The following MYBPC2 variants were observed in gnomAD, a reference collection of about 807,000 sequenced individuals.
The protein encoded by MYBPC2 is myosin-binding protein C, fast-type.
Under a neutral mutation model 137.0 loss-of-function variants are expected in MYBPC2, and 122 were observed. The observed-to-expected ratio is 0.89, with a 90% CI of 0.77 to 1.03. MYBPC2 has a LOEUF of 1.03. Ranked by LOEUF, MYBPC2 falls within the 50% of genes least tolerant of loss-of-function variation. MYBPC2 has a pLI of 0.00. For synonymous variants in MYBPC2, 626 were observed against 612.3 expected, an observed-to-expected ratio of 1.02 and a Z score of -0.33; for missense variants, 1,500 against 1,534.4, an observed-to-expected ratio of 0.98 and a Z score of 0.37.
At chr19:50,438,323 T>C (rs992887449) in intron 7 of MYBPC2, among the ~76,000 whole-genome samples, 2 of 152,108 alleles carry the variant, frequency 1.3e-5, no homozygotes, top group Non-Finnish European at 2.9e-5. Context: ...GGTTGGGAGA[T>C]GCAGGTGCAG....
At chr19:50,436,505 C>A (rs572260058) in intron 4 of MYBPC2, 112 bp from the exon 5 acceptor site, 2 of 996,542 alleles carry the variant, frequency 2.0e-6, no homozygotes, top group Admixed American at 2.2e-5. Flanking sequence ...CATTGGCCCC[C>A]CTGTGGGGTG....
intron 1 of MYBPC2, among the ~76,000 whole-genome samples, chr19:50,433,474 GGCTCACTACAACATCCGCCTCCTGA>G (rs2039675685): frequency 6.6e-6 from 1 of 151,298 alleles, no homozygotes; most frequent in South Asian, 2.1e-4. Flanking sequence ...GTGCGATCTC[GGCTCACTACAACATCCGCCTCCTGA>G]GTTCAAACAA....
Position 50,461,559 on chromosome 19 carries a change from T to C in MYBPC2, c.2949T>C (p.Tyr983=), listed in dbSNP as rs940190927. Residue 983 remains tyrosine, a synonymous_variant, in exon 25 of 28, where the codon TAT becomes TAC. Transcript: ENST00000357701. The part of the protein sequence containing the change: ...DKKTMEWFNV[Y]ERNRHTSCTV... ...CACACTAGGAGTGGTTCAACGTCTA[T>C]GAACGTAACAGGCACACTAGCTGTA... is the stretch of plus-strand genomic sequence containing the variant. 2.5e-6 allele frequency: 4 copies of C among 1,613,704 alleles called. No homozygotes were observed. The highest frequency in any genetic ancestry group is 2.7e-5 in the African/African-American group (2 of 75,022).
chr19:50,458,198 T>C (rs1235108364), intron 20 of MYBPC2, among the ~76,000 whole-genome samples: 3 of 150,808 alleles, frequency 2.0e-5, no homozygotes, highest in Non-Finnish European at 2.9e-5. Context: ...TAGTCCCAGC[T>C]ACTCAGGAGG....
intron 12 of MYBPC2, among the ~76,000 whole-genome samples, chr19:50,447,766 A>G (rs930295028): frequency 3.9e-5 from 6 of 152,154 alleles, no homozygotes; most frequent in Non-Finnish European, 8.8e-5. Flanking sequence ...CTGAGGCAGG[A>G]GTATCACTTG....
chr19:50,438,919 G>A (rs899008640), intron 7 of MYBPC2, among the ~76,000 whole-genome samples: 1 of 151,974 alleles, frequency 6.6e-6, no homozygotes, highest in Non-Finnish European at 1.5e-5. Context: ...ATTATCTGCT[G>A]GCCCACTTAT....
In MYBPC2 at chr19:50,435,822, C is replaced by T. The variant is rs762258220; in HGVS notation, c.156C>T (p.Gly52=). 8.7e-6 allele frequency: 14 copies of T among 1,610,556 alleles called. No individual in the cohort carries two copies. Among genetic ancestry groups the T allele is most frequent in the African/African-American group, 5.3e-5 (4 of 74,984 alleles). Residue 52 remains glycine, a synonymous_variant, in exon 3 of 28, where the codon GGC becomes GGT. Coordinates refer to ENST00000357701, the MANE Select transcript of MYBPC2 (RefSeq NM_004533.4). The surrounding 1 kb of genome is among the most constrained non-coding windows in gnomAD (Gnocchi z 4.8). ...CCCCGACTGCAGAGGAGCCCACCGG[C>T]GTTTTCCTGAAGAAGCCGGACTCCG... The part of the protein sequence containing the change: ...DQSPTAEEPT[G]VFLKKPDSVS...
chr19:50,441,137 G>A, intron 8 of MYBPC2, 61 bp downstream of exon 8: 5 of 1,471,768 alleles, frequency 3.4e-6, no homozygotes, highest in Non-Finnish European at 4.5e-6. Context: ...CCTTGTGGGT[G>A]TCTAATGATT....
chr19:50,460,187 A>G lies in MYBPC2; in HGVS notation c.2931+8A>G. On this transcript the variant is annotated splice_region_variant and intron_variant, in intron 24 of 27. Coordinates refer to ENST00000357701, the MANE Select transcript of MYBPC2 (RefSeq NM_004533.4). ...GCAGACAAAAAAACCATGGTGAGAG[A>G]GCAGAGGGGGAGATGGGGAAGAGCC... The G allele has an allele frequency of 6.3e-7, 1 of 1,599,490 alleles. No homozygotes were observed. The highest frequency in any genetic ancestry group is 8.5e-7 in the Non-Finnish European group (1 of 1,172,786).
chr19:50,455,391 C>G, intron 19 of MYBPC2, 95 bp downstream of exon 19: 1 of 1,557,530 alleles, frequency 6.4e-7, no homozygotes, highest in South Asian at 1.2e-5. Context: ...TGCCCGCCAT[C>G]AATCTCTGAC....
At chr19:50,442,640 G>A (rs943440127) in intron 9 of MYBPC2, among the ~76,000 whole-genome samples, 5 of 151,764 alleles carry the variant, frequency 3.3e-5, no homozygotes, top group Admixed American at 6.6e-5. Flanking sequence ...CAGGAGGATC[G>A]CTTGAACCCA....
At position 50,432,931 on chromosome 19, in the gene MYBPC2, G is replaced by A; in HGVS notation, c.-23G>A. 1.2e-6 allele frequency: 2 copies of A among 1,605,454 alleles called. No homozygotes were observed. Among genetic ancestry groups the A allele is most frequent in the Non-Finnish European group, 1.7e-6 (2 of 1,177,560 alleles). On this transcript the variant is annotated 5_prime_UTR_variant, in exon 1 of 28. Transcript: ENST00000357701. The surrounding 1 kb of genome is among the most constrained non-coding windows in gnomAD (Gnocchi z 5.5). ...CTAGCGGGACGCGGCTGCGGTCAGAGGAGCAGGAGGAGGTCCCCCGACATG... is the reference window on the plus strand; with the variant it reads ...CTAGCGGGACGCGGCTGCGGTCAGAAGAGCAGGAGGAGGTCCCCCGACATG...
chr19:50,459,099 C>CCCAA lies in MYBPC2; in HGVS notation c.2596-12_2596-11insCCAA. The stretch of plus-strand genomic sequence containing the variant: ...CCCGCTGACCCCACCCCGCCCCGCC[C>CCCAA]TCTCCCCGCAGGGAAAGCCCCGGCC... On this transcript the variant is annotated splice_polypyrimidine_tract_variant and intron_variant, in intron 22 of 27. Coordinates refer to ENST00000357701, the MANE Select transcript of MYBPC2 (RefSeq NM_004533.4). 6.4e-7 allele frequency: 1 copy of CCCAA among 1,551,466 alleles called. No individual in the cohort carries two copies. The highest frequency in any genetic ancestry group is 8.7e-7 in the Non-Finnish European group (1 of 1,147,354).
At chr19:50,436,874 G>A in intron 5 of MYBPC2, 140 bp downstream of exon 5, 1 of 719,844 alleles carries the variant, frequency 1.4e-6, no homozygotes, top group Non-Finnish European at 2.3e-6. Context: ...GCAGATTCTG[G>A]GGTCAGAGTA....
chr19:50,461,543 A>G lies in MYBPC2; in HGVS notation c.2933A>G (p.Glu978Gly). 6.2e-7 allele frequency: 1 copy of G among 1,612,916 alleles called. No homozygotes were observed. The highest frequency in any genetic ancestry group is 8.5e-7 in the Non-Finnish European group (1 of 1,179,524). The change falls in exon 25 of 28, where the codon GAG becomes GGG. Residue 978 changes from glutamate (E) to glycine (G), a missense_variant and splice_region_variant. Coordinates refer to ENST00000357701, the MANE Select transcript of MYBPC2 (RefSeq NM_004533.4). ...FVQKADKKTMEWFNVYERNRH... is the reference protein window; with the variant it reads ...FVQKADKKTMGWFNVYERNRH... ...GGTCCCTCCCTGTCCCCACACTAGG[A>G]GTGGTTCAACGTCTATGAACGTAAC...
chr19:50,462,118 C>A, intron 26 of MYBPC2, 82 bp downstream of exon 26: 2 of 1,457,700 alleles, frequency 1.4e-6, no homozygotes, highest in Non-Finnish European at 1.8e-6. Context: ...CCCCATCACG[C>A]CAGTTCTTCT....
intron 12 of MYBPC2, 105 bp from the exon 13 acceptor site, chr19:50,448,120 G>T: frequency 7.5e-7 from 1 of 1,342,088 alleles, no homozygotes. Flanking sequence ...TCTGTGGCTG[G>T]TATCCCCAGT....
intron 14 of MYBPC2, 97 bp from the exon 15 acceptor site, chr19:50,451,183 A>T: frequency 6.8e-7 from 1 of 1,463,280 alleles, no homozygotes; most frequent in South Asian, 1.2e-5. Flanking sequence ...TCCCAGGGAG[A>T]CTGCCAGACC....
intron 26 of MYBPC2, among the ~76,000 whole-genome samples, chr19:50,463,364 T>C (rs1026227611): frequency 6.6e-6 from 1 of 152,210 alleles, no homozygotes; most frequent in Non-Finnish European, 1.5e-5. Flanking sequence ...AGGCATACCA[T>C]GTCTCCATCT....
Sources: allele counts gnomAD v4.1 joint callset (sites outside exome capture counted in the v4.1 genomes callset), GRCh38; gene constraint gnomAD v4.1.1; non-coding constraint Gnocchi (gnomAD v3.1); transcripts MANE v1.5; gene names NCBI Gene and HGNC (gene_info 2026-07-23, HGNC 2026-07-21).